Variants in FMN2 observed in about 807,000 individuals in gnomAD.
The protein encoded by FMN2 is formin-2.
In FMN2, 51 loss-of-function variants were observed where a neutral mutation model predicts 142.3. That is an observed-to-expected ratio of 0.36 (90% CI 0.29 to 0.45). FMN2 has a LOEUF of 0.45. FMN2 is among the 20% of genes least tolerant of loss of function. FMN2 has a pLI of 1.00. For missense variants in FMN2, 1,936 were observed against 2,122.8 expected, an observed-to-expected ratio of 0.91 and a Z score of 1.73; for synonymous variants, 882 against 869.8, an observed-to-expected ratio of 1.01 and a Z score of -0.25.
intron 14 of FMN2, among the ~76,000 whole-genome samples, chr1:240,381,830 A>G (rs1673235742): frequency 6.6e-6 from 1 of 152,214 alleles, no homozygotes; most frequent in South Asian, 2.1e-4. Context: ...ATATCTCAAA[A>G]TAGGAACCAT....
intron 14 of FMN2, among the ~76,000 whole-genome samples, chr1:240,362,129 A>G (rs1672508390): frequency 6.6e-6 from 1 of 152,180 alleles, no homozygotes; most frequent in South Asian, 2.1e-4. Context: ...CTTTTAACAT[A>G]GAAGTGAAGA....
intron 2 of FMN2, among the ~76,000 whole-genome samples, chr1:240,171,694 T>C (rs1175996731): frequency 6.6e-6 from 1 of 152,218 alleles, no homozygotes; most frequent in Non-Finnish European, 1.5e-5. Flanking sequence ...TGTTATTTTC[T>C]GGTGGACACA....
chr1:240,196,137 C>T (rs1025665056), intron 4 of FMN2, among the ~76,000 whole-genome samples: 4 of 152,150 alleles, frequency 2.6e-5, no homozygotes, highest in Non-Finnish European at 5.9e-5. Context: ...GGATTTAAAA[C>T]GTTTTATGCT....
chr1:240,387,960 G>A (rs925858456), intron 14 of FMN2, among the ~76,000 whole-genome samples: 6 of 151,798 alleles, frequency 4.0e-5, no homozygotes, highest in Non-Finnish European at 8.8e-5. Context: ...GGTGGATCAC[G>A]AGGTCAGGAG....
At chr1:240,098,343 C>G (rs1661294537) in intron 1 of FMN2, among the ~76,000 whole-genome samples, 1 of 151,976 alleles carries the variant, frequency 6.6e-6, no homozygotes, top group Admixed American at 6.6e-5. Flanking sequence ...CTCAGGTGTT[C>G]TATCTGCCTT....
At chr1:240,348,131 T>A (rs1166506919) in intron 13 of FMN2, among the ~76,000 whole-genome samples, 41 of 152,166 alleles carry the variant, frequency 2.7e-4, no homozygotes, top group Non-Finnish European at 2.9e-5. Context: ...CAAGCTACTC[T>A]CCACAGTGGC....
chr1:240,447,813 G>A (rs1050085060), intron 16 of FMN2, among the ~76,000 whole-genome samples: 19 of 152,090 alleles, frequency 1.2e-4, no homozygotes, highest in African/African-American at 3.6e-4. Flanking sequence ...ACAAACCTAC[G>A]CATCTACTCA....
chr1:240,238,152 A>T (rs1337391576), intron 6 of FMN2, among the ~76,000 whole-genome samples: 1 of 152,212 alleles, frequency 6.6e-6, no homozygotes, highest in Non-Finnish European at 1.5e-5. Flanking sequence ...TTTACTTTTA[A>T]CTAAATACCT....
chr1:240,393,800 T>G (rs1179718787), intron 15 of FMN2, among the ~76,000 whole-genome samples: 1 of 152,216 alleles, frequency 6.6e-6, no homozygotes, highest in Non-Finnish European at 1.5e-5. Context: ...ATGGGGAAAG[T>G]TTAAGTGGTC....
intron 16 of FMN2, among the ~76,000 whole-genome samples, chr1:240,445,468 G>A (rs1176488919): frequency 6.6e-6 from 1 of 152,150 alleles, no homozygotes; most frequent in East Asian, 1.9e-4. Context: ...AGAATTCAAG[G>A]GAACAGCCCC....
chr1:240,125,175 G>A (rs1262958299), intron 2 of FMN2, among the ~76,000 whole-genome samples: 2 of 152,196 alleles, frequency 1.3e-5, no homozygotes, highest in African/African-American at 4.8e-5. Context: ...ATTACAGCCT[G>A]CAGTCTTCCT....
chr1:240,301,323 C>G (rs1372272798), intron 8 of FMN2, among the ~76,000 whole-genome samples: 1 of 151,712 alleles, frequency 6.6e-6, no homozygotes, highest in African/African-American at 2.4e-5. Flanking sequence ...TTTGCTGCCT[C>G]TCCTGCTCCA....
At chr1:240,215,147 C>T (rs1167696314) in intron 6 of FMN2, among the ~76,000 whole-genome samples, 3 of 152,066 alleles carry the variant, frequency 2.0e-5, no homozygotes, top group Non-Finnish European at 2.9e-5. Flanking sequence ...ATAAGGGTTG[C>T]ATAGTTTTTG....
At chr1:240,394,991 T>G (rs1033329111) in intron 15 of FMN2, among the ~76,000 whole-genome samples, 26 of 152,064 alleles carry the variant, frequency 1.7e-4, no homozygotes, top group African/African-American at 6.0e-4. Context: ...TAAATAAATT[T>G]TTTAAAAAGT....
At chr1:240,227,046 A>G (rs1254304349) in intron 6 of FMN2, among the ~76,000 whole-genome samples, 3 of 152,194 alleles carry the variant, frequency 2.0e-5, no homozygotes, top group Non-Finnish European at 2.9e-5. Flanking sequence ...TTGGAATGGA[A>G]GCAGCAAAAC....
chr1:240,242,230 TA>T (rs1342063760), intron 6 of FMN2, among the ~76,000 whole-genome samples: 1 of 152,176 alleles, frequency 6.6e-6, no homozygotes, highest in African/African-American at 2.4e-5. Context: ...TGCTTCTTTT[TA>T]AAATGACACA....
intron 6 of FMN2, among the ~76,000 whole-genome samples, chr1:240,218,296 A>G (rs1666981567): frequency 6.7e-6 from 1 of 148,456 alleles, no homozygotes; most frequent in African/African-American, 2.6e-5. Flanking sequence ...AAAAAAAAAA[A>G]AAAAAAAAAA....
At chr1:240,110,502 G>C (rs1368963633) in intron 1 of FMN2, among the ~76,000 whole-genome samples, 4 of 152,190 alleles carry the variant, frequency 2.6e-5, no homozygotes, top group Non-Finnish European at 4.4e-5. Flanking sequence ...TGTGCAAGAG[G>C]ATTGCAACAT....
chr1:240,172,149 C>T (rs1036728087), intron 2 of FMN2, among the ~76,000 whole-genome samples: 1 of 152,134 alleles, frequency 6.6e-6, no homozygotes. Flanking sequence ...GCTAGAAACT[C>T]ATATACCCTA....
Sources: gnomAD v4.1 joint callset for allele counts (sites outside exome capture counted in the v4.1 genomes callset) on GRCh38, gnomAD v4.1.1 for gene constraint, MANE v1.5 for transcripts, NCBI Gene and HGNC (gene_info 2026-07-23, HGNC 2026-07-21) for gene names.